SPATA45: variants seen among roughly 807,000 people sequenced by gnomAD.
SPATA45 encodes the protein spermatogenesis associated 45.
Under a neutral mutation model 7.0 loss-of-function variants are expected in SPATA45, and 5 were observed. That is an observed-to-expected ratio of 0.71 (90% CI 0.37 to 1.50). SPATA45 has a LOEUF of 1.50. Ranked by LOEUF, SPATA45 falls within the 40% of genes most tolerant of loss-of-function variation. The pLI, the probability that SPATA45 is intolerant of heterozygous loss-of-function variation, is 0.03. For missense variants in SPATA45, 111 were observed against 114.9 expected (o/e 0.97, Z 0.16); for synonymous variants, 40 against 38.7 (o/e 1.03, Z -0.13).
chr1:212,840,804 G>C (rs978539361), intron 1 of SPATA45, among the ~76,000 whole-genome samples: 8 of 151,736 alleles, frequency 5.3e-5, no homozygotes, highest in Admixed American at 2.0e-4. Flanking sequence ...ATTTTTAGTA[G>C]AGACGGGGTT....
At chr1:212,836,853 G>A (rs1432071879) in intron 1 of SPATA45, among the ~76,000 whole-genome samples, 8 of 146,264 alleles carry the variant, frequency 5.5e-5, no homozygotes, top group African/African-American at 2.0e-4. Flanking sequence ...AAGACGGGGT[G>A]TCACCATATT....
intron 2 of SPATA45, among the ~76,000 whole-genome samples, chr1:212,833,977 C>T (rs1385345256): frequency 6.6e-6 from 1 of 151,780 alleles, no homozygotes. Context: ...TTCCTCCTTT[C>T]ATCTCAGGTG....
chr1:212,843,985 C>T lies in SPATA45; in HGVS notation c.-39+3595G>A, dbSNP rs1571994095. Among the ~76,000 whole-genome samples the T allele has an allele frequency of 3.3e-5, 5 of 152,208 alleles. No homozygotes were observed. The South Asian group carries it at 1.0e-3, about 32-fold the overall frequency. On this transcript the variant is annotated intron_variant, in intron 1 of 2. Coordinates refer to ENST00000332912, the MANE Select transcript of SPATA45 (RefSeq NM_001024601.3). ...TGACCCCATAAATCCTAAATCCTTT[C>T]CCCACTCTCCTTTCCATTCCTTAAA...
chr1:212,845,455 G>A (rs1663776441), intron 1 of SPATA45, among the ~76,000 whole-genome samples: 1 of 151,724 alleles, frequency 6.6e-6, no homozygotes, highest in Admixed American at 6.6e-5. Context: ...CTTCCCTTCT[G>A]TCAGACATAA....
chr1:212,838,779 G>A (rs1663631738), intron 1 of SPATA45, among the ~76,000 whole-genome samples: 1 of 151,466 alleles, frequency 6.6e-6, no homozygotes, highest in African/African-American at 2.4e-5. Context: ...ATGGCTCACG[G>A]CATCCTCGAC....
At chr1:212,831,876 T>C (rs1663495003) in intron 2 of SPATA45, among the ~76,000 whole-genome samples, 1 of 151,134 alleles carries the variant, frequency 6.6e-6, no homozygotes, top group Non-Finnish European at 1.5e-5. Flanking sequence ...TCATCCCTCA[T>C]GCCCTGGATA....
intron 1 of SPATA45, among the ~76,000 whole-genome samples, chr1:212,840,140 G>A (rs1241908892): frequency 1.3e-5 from 2 of 151,272 alleles, no homozygotes; most frequent in Non-Finnish European, 1.5e-5. Context: ...TGGGCCAGGC[G>A]CAGTGGCTCA....
intron 2 of SPATA45, among the ~76,000 whole-genome samples, chr1:212,835,350 C>T (rs967927606): frequency 6.6e-6 from 1 of 151,052 alleles, no homozygotes; most frequent in Non-Finnish European, 1.5e-5. Flanking sequence ...ATGAAGAAAC[C>T]CGGTCTCTAC....
At chr1:212,836,296 A>T in intron 1 of SPATA45, 109 bp from the exon 2 acceptor site, 1 of 809,908 alleles carries the variant, frequency 1.2e-6, no homozygotes, top group Non-Finnish European at 1.9e-6. Context: ...TAACACCACA[A>T]CCACCACCAA....
chr1:212,830,987 A>C (rs1663476344), intron 2 of SPATA45, among the ~76,000 whole-genome samples: 1 of 151,046 alleles, frequency 6.6e-6, no homozygotes, highest in African/African-American at 2.4e-5. Flanking sequence ...ATCTCAAAAA[A>C]AATTAGCTGG....
Position 212,835,040 on chromosome 1 carries a change from G to A in SPATA45, c.277+833C>T, listed in dbSNP as rs188283624. On this transcript the variant is annotated intron_variant, in intron 2 of 2. Transcript: ENST00000332912. ...GAAGCTGAGGCCTGGGATTCTGTAT[G>A]CATAAAAAAAGAGAGTCTCTGGTCT... Among the ~76,000 whole-genome samples the A allele has an allele frequency of 3.8e-4, 57 of 151,616 alleles. 1 individual carries two copies. In the East Asian group the frequency reaches 9.9e-3, roughly 26 times the overall value.
At chr1:212,845,345 C>T (rs370478693) in intron 1 of SPATA45, among the ~76,000 whole-genome samples, 3,481 of 152,262 alleles carry the variant, frequency 0.023, 59 homozygotes, top group South Asian at 0.041. Flanking sequence ...TCACATGCCC[C>T]AAGTCAGGAA....
chr1:212,833,041 G>C (rs1225354898), intron 2 of SPATA45, among the ~76,000 whole-genome samples: 1 of 151,474 alleles, frequency 6.6e-6, no homozygotes, highest in East Asian at 1.9e-4. Flanking sequence ...AAGAAAGCTG[G>C]GTAAGGGATT....
At chr1:212,844,016 G>A (rs552417149) in intron 1 of SPATA45, among the ~76,000 whole-genome samples, 3 of 152,096 alleles carry the variant, frequency 2.0e-5, no homozygotes, top group Non-Finnish European at 4.4e-5. Context: ...TTAAAAGACA[G>A]CCCTAAAAGC....
intron 1 of SPATA45, among the ~76,000 whole-genome samples, chr1:212,841,678 G>C (rs56168562): frequency 7.2e-6 from 1 of 138,872 alleles, no homozygotes; most frequent in Non-Finnish European, 1.5e-5. Context: ...TCGCTCTGTC[G>C]CCCAGGCTGG....
At chr1:212,846,406 A>T (rs2102515958) in intron 1 of SPATA45, among the ~76,000 whole-genome samples, 1 of 152,272 alleles carries the variant, frequency 6.6e-6, no homozygotes, top group Middle Eastern at 3.4e-3. Context: ...AGCCCAAGCT[A>T]AGCCATCATA....
chr1:212,840,983 C>T (rs1663671912), intron 1 of SPATA45, among the ~76,000 whole-genome samples: 1 of 152,016 alleles, frequency 6.6e-6, no homozygotes, highest in Admixed American at 6.6e-5. Context: ...TCTCTGTCTC[C>T]AGGATGGAGT....
intron 1 of SPATA45, among the ~76,000 whole-genome samples, chr1:212,842,898 C>G (rs2359327): frequency 0.23 from 34,921 of 149,492 alleles, 5,722 homozygotes; most frequent in African/African-American, 0.47. Flanking sequence ...ACCATCCTGG[C>G]TAACACGGTG....
At chr1:212,841,284 G>A (rs747991643) in intron 1 of SPATA45, among the ~76,000 whole-genome samples, 5 of 151,810 alleles carry the variant, frequency 3.3e-5, no homozygotes, top group Admixed American at 1.3e-4. Flanking sequence ...TCAGCCTCCT[G>A]AGTGGCTGGG....
Sources: allele counts gnomAD v4.1 joint callset (sites outside exome capture counted in the v4.1 genomes callset), GRCh38; gene constraint gnomAD v4.1.1; transcripts MANE v1.5; gene names NCBI Gene and HGNC (gene_info 2026-07-23, HGNC 2026-07-21).